The following DARS2 variants were observed in gnomAD, a reference collection of about 807,000 sequenced individuals.
DARS2 encodes aspartyl-tRNA synthetase 2, mitochondrial.
A neutral mutation model predicts 83.0 loss-of-function variants in DARS2; 63 were observed. The observed-to-expected ratio is 0.76, with a 90% CI of 0.62 to 0.94. DARS2 has a LOEUF of 0.94. DARS2 is among the 40% of genes least tolerant of loss of function. The pLI, the probability that DARS2 is intolerant of heterozygous loss-of-function variation, is 0.00. For synonymous variants in DARS2, 250 were observed against 269.3 expected, an observed-to-expected ratio of 0.93 and a Z score of 0.70; for missense variants, 675 against 774.4, an observed-to-expected ratio of 0.87 and a Z score of 1.52.
chr1:173,836,957 A>G lies in DARS2; in HGVS notation c.681A>G (p.Leu227=). The G allele has an allele frequency of 6.2e-7, 1 of 1,613,910 alleles. No homozygotes were observed. The change falls in exon 8 of 17, where the codon TTA becomes TTG. Residue 227 remains leucine (L), a synonymous_variant. Transcript: ENST00000649689. ...KRTPGGAKEF[L]VPSREPGKFY... ...TTTGAAAGGGTGCCAAAGAGTTTTT[A>G]GTACCATCCAGGGAACCTGGAAAGT...
At position 173,850,767 on chromosome 1, in the gene DARS2, G is replaced by A. The variant is rs376739502; in HGVS notation, c.1344+288G>A. Among the ~76,000 whole-genome samples the A allele has an allele frequency of 3.3e-5, 5 of 151,682 alleles. No homozygotes were observed. In the East Asian group the frequency reaches 9.8e-4, roughly 30 times the overall value. ...ATTACAGGCGCACGCTGCCATACCC[G>A]ACTAATTTTTGTATTTTAGTAGAGA... On this transcript the variant is annotated intron_variant, in intron 13 of 16. Coordinates refer to ENST00000649689, the MANE Select transcript of DARS2 (RefSeq NM_018122.5).
intron 4 of DARS2, among the ~76,000 whole-genome samples, chr1:173,831,204 C>T (rs1193197568): frequency 2.0e-5 from 3 of 148,612 alleles, no homozygotes; most frequent in African/African-American, 7.6e-5. Context: ...CGTGAGCCAC[C>T]GTGCCTGGCC....
At chr1:173,832,424 C>T (rs1652824899) in intron 5 of DARS2, among the ~76,000 whole-genome samples, 1 of 152,070 alleles carries the variant, frequency 6.6e-6, no homozygotes. Flanking sequence ...AAGTTATAGA[C>T]ATTTCCTAAG....
chr1:173,843,905 G>A (rs901896789), intron 11 of DARS2, among the ~76,000 whole-genome samples: 8 of 152,202 alleles, frequency 5.3e-5, no homozygotes, highest in African/African-American at 1.9e-4. Flanking sequence ...AGTTGACAGA[G>A]TATAGCCAGT....
At chr1:173,854,548 T>TAAA (rs1360903615) in intron 15 of DARS2, among the ~76,000 whole-genome samples, 1 of 152,226 alleles carries the variant, frequency 6.6e-6, no homozygotes, top group Non-Finnish European at 1.5e-5. Flanking sequence ...AGATGAGATT[T>TAAA]ACTGAGGCAA....
At chr1:173,838,874 T>A (rs1653105269) in intron 9 of DARS2, among the ~76,000 whole-genome samples, 1 of 152,130 alleles carries the variant, frequency 6.6e-6, no homozygotes, top group Admixed American at 6.6e-5. Flanking sequence ...TAGTTGGGAC[T>A]ACAGATGCGT....
chr1:173,846,203 A>C (rs1247164024), intron 12 of DARS2, among the ~76,000 whole-genome samples: 2 of 151,724 alleles, frequency 1.3e-5, no homozygotes, highest in Non-Finnish European at 2.9e-5. Context: ...GTTGGTGCTC[A>C]CTTGTAATCC....
chr1:173,839,088 A>G (rs573000447), intron 9 of DARS2, among the ~76,000 whole-genome samples: 1 of 152,336 alleles, frequency 6.6e-6, no homozygotes, highest in Non-Finnish European at 1.5e-5. Context: ...TTGGAGTTGG[A>G]CAGACCTGGG....
In DARS2 at chr1:173,826,759, C is replaced by A. The variant is rs202232688; in HGVS notation, c.200C>A (p.Thr67Asn). 2 of 1,613,024 alleles carry A rather than the reference C, an allele frequency of 1.2e-6. No individual in the cohort carries two copies. Among genetic ancestry groups the A allele is most frequent in the East Asian group, 4.5e-5 (2 of 44,880 alleles). ...LRSSHLGQEV[T>N]LCGWIQYRRQ... is the part of the protein sequence containing the mutation. Reference sequence around the variant, plus strand: ...TCGTCTCACTTAGGCCAAGAAGTCACCTTGTGTGGATGGATTCAGTACCGA... The same window carrying A: ...TCGTCTCACTTAGGCCAAGAAGTCAACTTGTGTGGATGGATTCAGTACCGA... The change falls in exon 2 of 17, where the codon ACC becomes AAC. Residue 67 changes from threonine (T) to asparagine (N), a missense_variant. Thr to Asn is a moderately conservative substitution (Grantham distance 65). Coordinates refer to ENST00000649689, the MANE Select transcript of DARS2 (RefSeq NM_018122.5).
At chr1:173,847,183 A>T (rs1164535939) in intron 12 of DARS2, among the ~76,000 whole-genome samples, 1 of 152,212 alleles carries the variant, frequency 6.6e-6, no homozygotes, top group Non-Finnish European at 1.5e-5. Context: ...CAATATAACA[A>T]GCTTTTCATA....
chr1:173,842,611 C>A (rs1653272885), intron 11 of DARS2, among the ~76,000 whole-genome samples: 1 of 149,130 alleles, frequency 6.7e-6, no homozygotes, highest in African/African-American at 2.4e-5. Flanking sequence ...CCCCTCATTA[C>A]TTTTTATTTA....
intron 10 of DARS2, 45 bp from the exon 11 acceptor site, chr1:173,840,821 A>C (rs1023482884): frequency 9.4e-7 from 1 of 1,067,982 alleles, no homozygotes. Context: ...TTCAGATAAA[A>C]ATTACTTCAT....
chr1:173,856,679 T>C lies in DARS2; in HGVS notation c.1688T>C (p.Met563Thr), dbSNP rs1183851779. The C allele has an allele frequency of 6.2e-7, 1 of 1,613,920 alleles. No homozygotes were observed. Among genetic ancestry groups the C allele is most frequent in the South Asian group, 1.1e-5 (1 of 91,072 alleles). ...TTTGAATTTCAGGAGGATGTGAAAA[T>C]GCTCTCCCATCTGCTCCAGGCTTTA... Reference protein sequence around the residue: ...LATLLKEDVKMLSHLLQALDY... With the variant: ...LATLLKEDVKTLSHLLQALDY... The change falls in exon 16 of 17, where the codon ATG (methionine) becomes ACG (threonine). Residue 563 changes from methionine to threonine, a missense_variant. Met to Thr is a moderately conservative substitution (Grantham distance 81). Transcript: ENST00000649689.
At chr1:173,842,362 G>T (rs1329350343) in intron 11 of DARS2, among the ~76,000 whole-genome samples, 2 of 133,026 alleles carry the variant, frequency 1.5e-5, no homozygotes, top group African/African-American at 2.9e-5. Flanking sequence ...GCAGTGGCGC[G>T]ATCTTGGCTT....
chr1:173,849,900 C>T (rs1200901955), intron 12 of DARS2, among the ~76,000 whole-genome samples: 3 of 146,494 alleles, frequency 2.0e-5, no homozygotes, highest in Admixed American at 6.9e-5. Context: ...CTCTGTCACC[C>T]AGGCTGGAGT....
Position 173,837,031 on chromosome 1 carries a change from T to C in DARS2, c.755T>C (p.Val252Ala). The C allele has an allele frequency of 6.2e-7, 1 of 1,613,936 alleles. No individual in the cohort carries two copies. Among genetic ancestry groups the C allele is most frequent in the Non-Finnish European group, 8.5e-7 (1 of 1,179,880 alleles). Residue 252 changes from valine (V) to alanine (A), a missense_variant, in exon 8 of 17, where the codon GTT (valine) becomes GCT (alanine). Physicochemically the swap from Val to Ala is moderately conservative, Grantham distance 64. Transcript: ENST00000649689. ...SPQQFKQLLM[V>A]GGLDRYFQVA... ...CAACAGTTTAAGCAACTTCTGATGG[T>C]TGGCGGTTTAGACAGGTGAGCTTTT...
At position 173,853,425 on chromosome 1, in the gene DARS2, C is replaced by T. The variant is rs201652519; in HGVS notation, c.1421C>T (p.Thr474Ile). Residue 474 changes from threonine (T) to isoleucine (I), a missense_variant, in exon 14 of 17, where the codon ACT (threonine) becomes ATT (isoleucine). Coordinates refer to ENST00000649689, the MANE Select transcript of DARS2 (RefSeq NM_018122.5). Reference sequence around the variant, plus strand: ...AGAGGAGTGGTGCTCCGTGACCCCACTCTGTTCTCTTTCCTTTGGGTGGTA... The same window carrying T: ...AGAGGAGTGGTGCTCCGTGACCCCATTCTGTTCTCTTTCCTTTGGGTGGTA... ...ETRGVVLRDP[T>I]LFSFLWVVDF... 8 of 1,614,136 alleles carry T rather than the reference C, an allele frequency of 5.0e-6. No individual in the cohort carries two copies. The Admixed American group carries it at 1.0e-4, about 20-fold the overall frequency.
intron 5 of DARS2, among the ~76,000 whole-genome samples, chr1:173,832,545 C>G (rs1652830285): frequency 6.6e-6 from 1 of 151,984 alleles, no homozygotes; most frequent in South Asian, 2.1e-4. Context: ...CCAAGGCAGA[C>G]AGATCACAAG....
chr1:173,829,536 C>T (rs1488918524), intron 3 of DARS2, among the ~76,000 whole-genome samples: 1 of 151,780 alleles, frequency 6.6e-6, no homozygotes, highest in South Asian at 2.1e-4. Flanking sequence ...TCCCAGCACT[C>T]TGGGAGGCCG....
Sources: gnomAD v4.1 joint callset for allele counts (sites outside exome capture counted in the v4.1 genomes callset) on GRCh38, gnomAD v4.1.1 for gene constraint, MANE v1.5 for transcripts, NCBI Gene and HGNC (gene_info 2026-07-23, HGNC 2026-07-21) for gene names.